The following ANK2 variants were observed in gnomAD, a reference collection of about 807,000 sequenced individuals.
ANK2 encodes the protein ankyrin 2.
Under a neutral mutation model 360.5 loss-of-function variants are expected in ANK2, and 83 were observed. The observed-to-expected ratio is 0.23, with a 90% CI of 0.19 to 0.28. The LOEUF (loss-of-function observed/expected upper bound fraction) is 0.28, where lower values mean the gene tolerates loss of function less well. Ranked by LOEUF, ANK2 falls within the 10% of genes least tolerant of loss-of-function variation. ANK2 has a pLI of 1.00. For missense variants in ANK2, 4,201 were observed against 4,795.7 expected, an observed-to-expected ratio of 0.88 and a Z score of 3.66; for synonymous variants, 1,740 against 1,759.5, an observed-to-expected ratio of 0.99 and a Z score of 0.28.
At position 113,354,903 on chromosome 4, in the gene ANK2, T is replaced by G. The variant is rs761106853; in HGVS notation, c.6285T>G (p.Pro2095=). 3 of 1,614,044 alleles carry G rather than the reference T, an allele frequency of 1.9e-6. No homozygotes were observed. The highest frequency in any genetic ancestry group is 2.5e-6 in the Non-Finnish European group (3 of 1,179,984). ...TTCTCAGCCACAAAATACCTGAACC[T>G]GTTCAGTCAGTGCCTGAAGAAGAAA... The part of the protein sequence containing the change: ...EKVLSHKIPE[P]VQSVPEEESH... The change falls in exon 38 of 46, where the codon CCT becomes CCG. Residue 2095 remains proline (P), a synonymous_variant. Coordinates refer to ENST00000357077, the MANE Select transcript of ANK2 (RefSeq NM_001148.6).
At chr4:112,826,921 T>C (rs2058535539) in intron 1 of ANK2, 1 of 1,532,520 alleles carries the variant, frequency 6.5e-7, no homozygotes, top group South Asian at 1.1e-5. Context: ...AATGCCTGTG[T>C]CTTAGCAACA....
chr4:112,967,099 C>T (rs2037587097), intron 2 of ANK2, among the ~76,000 whole-genome samples: 1 of 151,994 alleles, frequency 6.6e-6, no homozygotes, highest in Non-Finnish European at 1.5e-5. Context: ...TGAAATAAAT[C>T]CTTATTAATT....
At chr4:113,112,806 T>A (rs1168535897) in intron 1 of ANK2, among the ~76,000 whole-genome samples, 1 of 152,210 alleles carries the variant, frequency 6.6e-6, no homozygotes, top group African/African-American at 2.4e-5. Context: ...CCGCCTGTTT[T>A]GATTTGGAGC....
the ANK2 span, among the ~76,000 whole-genome samples, chr4:112,745,825 G>A: frequency 6.6e-5 from 10 of 151,938 alleles, no homozygotes; most frequent in African/African-American, 2.2e-4. Context: ...GAGCCACTGC[G>A]CCCGGCCCCA....
chr4:112,995,082 G>A (rs2048101574), intron 2 of ANK2, among the ~76,000 whole-genome samples: 1 of 152,212 alleles, frequency 6.6e-6, no homozygotes, highest in Non-Finnish European at 1.5e-5. Context: ...ATGAGTGCAT[G>A]TGTCTTTTGG....
At chr4:112,930,316 C>T (rs1581356098) in intron 2 of ANK2, among the ~76,000 whole-genome samples, 1 of 151,848 alleles carries the variant, frequency 6.6e-6, no homozygotes, top group African/African-American at 2.4e-5. Flanking sequence ...TTGGTGTGCA[C>T]ACACACCTGT....
the ANK2 span, among the ~76,000 whole-genome samples, chr4:112,804,002 A>G: frequency 1.3e-4 from 20 of 149,560 alleles, no homozygotes; most frequent in African/African-American, 5.0e-4. Flanking sequence ...TTGATGTATG[A>G]CCAATCTCAC....
chr4:113,295,845 C>A (rs1339761506), intron 22 of ANK2, among the ~76,000 whole-genome samples: 2 of 151,998 alleles, frequency 1.3e-5, no homozygotes, highest in Non-Finnish European at 2.9e-5. Flanking sequence ...GAACTGGTTT[C>A]TCTTATAATT....
At chr4:113,183,123 G>A (rs183473592) in intron 2 of ANK2, among the ~76,000 whole-genome samples, 2 of 152,158 alleles carry the variant, frequency 1.3e-5, no homozygotes, top group East Asian at 1.9e-4. Flanking sequence ...TGTGGGTGCC[G>A]TGCTGGGAGC....
chr4:112,789,001 T>C, the ANK2 span: 1 of 549,606 alleles, frequency 1.8e-6, no homozygotes, highest in Non-Finnish European at 3.2e-6. Context: ...TCCCTCAAAG[T>C]GTTTAGGGCA....
chr4:113,246,179 C>G (rs1346690490), intron 9 of ANK2, among the ~76,000 whole-genome samples: 2 of 152,102 alleles, frequency 1.3e-5, no homozygotes, highest in South Asian at 2.1e-4. Context: ...TTAAATTAAC[C>G]ACAAATATTC....
chr4:113,093,619 T>C, intron 1 of ANK2, among the ~76,000 whole-genome samples: 1 of 152,168 alleles, frequency 6.6e-6, no homozygotes, highest in Non-Finnish European at 1.5e-5. Flanking sequence ...GGATTACAGG[T>C]GTGAGCCACC....
chr4:113,336,425 T>C, intron 30 of ANK2, 152 bp from the exon 31 acceptor site: 2 of 775,134 alleles, frequency 2.6e-6, no homozygotes, highest in Non-Finnish European at 4.0e-6. Flanking sequence ...GTAATAATAC[T>C]GAACTTATGA....
chr4:113,124,304 A>C (rs2154373523), intron 1 of ANK2, among the ~76,000 whole-genome samples: 1 of 152,290 alleles, frequency 6.6e-6, no homozygotes, highest in African/African-American at 2.4e-5. Context: ...ACAAGTCAAC[A>C]ACTACCTTTT....
Position 113,250,760 on chromosome 4 carries a change from C to CCG in ANK2, c.990+899_990+900insGC, listed in dbSNP as rs1039843617. ...CCATTCCACCTCATACCACCGCCCCCCCCCCCGACAGAGTTGGTATCAACT... is the reference window on the plus strand; with the variant it reads ...CCATTCCACCTCATACCACCGCCCCCCGCCCCCCGACAGAGTTGGTATCAACT... On this transcript the variant is annotated intron_variant, in intron 10 of 45. Coordinates refer to ENST00000357077, the MANE Select transcript of ANK2 (RefSeq NM_001148.6). Among the ~76,000 whole-genome samples, 49 of 136,710 alleles carry CCG rather than the reference C, an allele frequency of 3.6e-4. 4 individuals carry two copies. Among genetic ancestry groups the CCG allele is most frequent in the South Asian group, 1.1e-3 (4 of 3,502 alleles). 89.7% of individuals were successfully genotyped at this position (136,710 alleles called of 152,430 possible).
At chr4:113,283,276 G>A (rs2063111877) in intron 18 of ANK2, among the ~76,000 whole-genome samples, 1 of 152,220 alleles carries the variant, frequency 6.6e-6, no homozygotes, top group South Asian at 2.1e-4. Context: ...TCCATCTGGG[G>A]TTTAGCTTAA....
chr4:112,892,518 A>G (rs959559592), intron 1 of ANK2, among the ~76,000 whole-genome samples: 2 of 152,248 alleles, frequency 1.3e-5, no homozygotes, highest in African/African-American at 4.8e-5. Flanking sequence ...TAAGGATCGT[A>G]ACAATTACCC....
intron 15 of ANK2, among the ~76,000 whole-genome samples, chr4:113,275,046 G>T (rs2059732751): frequency 6.6e-6 from 1 of 152,166 alleles, no homozygotes; most frequent in Non-Finnish European, 1.5e-5. Flanking sequence ...TATTTGCTGT[G>T]AGTTATAGTA....
chr4:112,972,586 C>T (rs547136610), intron 2 of ANK2, among the ~76,000 whole-genome samples: 5 of 152,166 alleles, frequency 3.3e-5, no homozygotes, highest in Non-Finnish European at 4.4e-5. Context: ...TTAAGAGGTG[C>T]CCACGTACAC....
Sources: gnomAD v4.1 joint callset for allele counts (sites outside exome capture counted in the v4.1 genomes callset) on GRCh38, gnomAD v4.1.1 for gene constraint, MANE v1.5 for transcripts, NCBI Gene and HGNC (gene_info 2026-07-23, HGNC 2026-07-21) for gene names.